PCSK1: variants seen among roughly 807,000 people sequenced by gnomAD.
PCSK1 encodes neuroendocrine convertase 1.
PCSK1 carries 56 observed loss-of-function variants against 90.6 expected under a neutral mutation model. That is an observed-to-expected ratio of 0.62 (90% CI 0.50 to 0.77). The LOEUF (loss-of-function observed/expected upper bound fraction) is 0.77. Ranked by LOEUF, PCSK1 falls within the 30% of genes least tolerant of loss-of-function variation. PCSK1 has a pLI of 0.00. For synonymous variants in PCSK1, 348 were observed against 342.4 expected (o/e 1.02, Z -0.18); for missense variants, 801 against 932.6 (o/e 0.86, Z 1.84).
At chr5:96,426,460 C>A (rs1305152151) in intron 2 of PCSK1, among the ~76,000 whole-genome samples, 2 of 152,134 alleles carry the variant, frequency 1.3e-5, no homozygotes, top group African/African-American at 2.4e-5. Flanking sequence ...TGTGCTTCGA[C>A]CTCTGCTTAA....
At chr5:96,427,916 C>T (rs1180731819) in intron 2 of PCSK1, among the ~76,000 whole-genome samples, 2 of 152,168 alleles carry the variant, frequency 1.3e-5, no homozygotes, top group African/African-American at 4.8e-5. Context: ...GGGAAGACCT[C>T]AGTGGACAAG....
chr5:96,429,564 C>CGTATT (rs1761427429), intron 1 of PCSK1, among the ~76,000 whole-genome samples: 1 of 152,104 alleles, frequency 6.6e-6, no homozygotes, highest in African/African-American at 2.4e-5. Flanking sequence ...GTATTAAGCC[C>CGTATT]AATACCCATT....
intron 1 of PCSK1, among the ~76,000 whole-genome samples, chr5:96,431,381 C>T (rs1252944916): frequency 2.0e-5 from 3 of 152,208 alleles, no homozygotes; most frequent in South Asian, 2.1e-4. Context: ...TCATTCACCC[C>T]TCCCGAATTC....
Position 96,433,050 on chromosome 5 carries a change from A to G in PCSK1, c.-8T>C. The G allele has an allele frequency of 1.2e-6, 2 of 1,613,654 alleles. No homozygotes were observed. The highest frequency in any genetic ancestry group is 1.7e-6 in the Non-Finnish European group (2 of 1,179,572). On this transcript the variant is annotated 5_prime_UTR_variant, in exon 1 of 14. Coordinates refer to ENST00000311106, the MANE Select transcript of PCSK1 (RefSeq NM_000439.5). ...CCAGGCTCTTCGCTCCATAGCTCAC[A>G]CACTCGCTTGAACAAGAGTGGGAAG...
chr5:96,429,158 TAAAG>T (rs200056379), intron 2 of PCSK1, 51 bp downstream of exon 2: 125 of 912,304 alleles, frequency 1.4e-4, no homozygotes, highest in Middle Eastern at 4.3e-4. Context: ...TTAGAAATCA[TAAAG>T]AAAGCAGATA....
At chr5:96,407,278 CA>C (rs1258706361) in intron 9 of PCSK1, among the ~76,000 whole-genome samples, 1 of 151,962 alleles carries the variant, frequency 6.6e-6, no homozygotes, top group Admixed American at 6.6e-5. Context: ...TTTTGTGAAC[CA>C]AGGCCATAAA....
At chr5:96,400,289 C>T in intron 9 of PCSK1, 103 bp from the exon 10 acceptor site, 1 of 788,692 alleles carries the variant, frequency 1.3e-6, no homozygotes, top group Admixed American at 1.9e-5. Flanking sequence ...TATGAAGTGC[C>T]TTTTGCTATT....
chr5:96,403,278 ATTATAC>A (rs1331343620), intron 9 of PCSK1, among the ~76,000 whole-genome samples: 1 of 152,042 alleles, frequency 6.6e-6, no homozygotes, highest in Non-Finnish European at 1.5e-5. Context: ...TTTTATTATT[ATTATAC>A]TTTAAGTTCT....
At chr5:96,429,790 G>A (rs993732263) in intron 1 of PCSK1, among the ~76,000 whole-genome samples, 1 of 152,166 alleles carries the variant, frequency 6.6e-6, no homozygotes, top group Non-Finnish European at 1.5e-5. Context: ...GGCACTGATA[G>A]AGGTCTTAAG....
chr5:96,406,488 C>T (rs574143910), intron 9 of PCSK1, among the ~76,000 whole-genome samples: 2 of 152,300 alleles, frequency 1.3e-5, no homozygotes, highest in African/African-American at 4.8e-5. Context: ...CTTGCCAGCC[C>T]CTCCAAGTAG....
chr5:96,425,033 AAAGAAAGAAAGAAAG>A (rs1162254901), intron 3 of PCSK1, among the ~76,000 whole-genome samples: 4 of 102,226 alleles, frequency 3.9e-5, no homozygotes, highest in East Asian at 5.4e-4. Flanking sequence ...AGAAAGAAAG[AAAGAAAGAAAGAAAG>A]AAAGAAAGAA....
rs183782142 is a variant in PCSK1 at position 96,416,598 on chromosome 5, C to T, written c.621-477G>A. Among the ~76,000 whole-genome samples, 730 of 152,256 alleles carry T rather than the reference C, an allele frequency of 4.8e-3. 9 individuals carry two copies. The highest frequency in any genetic ancestry group is 0.017 in the African/African-American group (707 of 41,554). ...CTTGGATTAGATTATCCTTGATCAG[C>T]CTTAGTAGGATATCCTAGAACAAGT... On this transcript the variant is annotated intron_variant, in intron 5 of 13. Transcript: ENST00000311106.
chr5:96,413,067 T>A, intron 6 of PCSK1: 1 of 511,204 alleles, frequency 2.0e-6, no homozygotes, highest in Non-Finnish European at 2.5e-6. Context: ...AACAGGAAAC[T>A]AACAAATAGG....
chr5:96,398,729 C>T (rs1760250972), intron 11 of PCSK1, 150 bp downstream of exon 11: 1 of 712,870 alleles, frequency 1.4e-6, no homozygotes, highest in South Asian at 1.6e-5. Flanking sequence ...AGATCTAACA[C>T]CAAGAAAAAG....
chr5:96,407,158 C>G (rs1053009712), intron 9 of PCSK1, among the ~76,000 whole-genome samples: 16 of 152,044 alleles, frequency 1.1e-4, no homozygotes, highest in African/African-American at 3.9e-4. Flanking sequence ...AGGAAGAAGC[C>G]TTAAAGAAAC....
intron 3 of PCSK1, among the ~76,000 whole-genome samples, chr5:96,425,207 T>C (rs1453615933): frequency 6.6e-6 from 1 of 152,194 alleles, no homozygotes; most frequent in African/African-American, 2.4e-5. Flanking sequence ...TATTAGCCTA[T>C]ACTACTACCA....
chr5:96,400,753 A>T (rs1760329590), intron 9 of PCSK1, among the ~76,000 whole-genome samples: 1 of 152,206 alleles, frequency 6.6e-6, no homozygotes, highest in Non-Finnish European at 1.5e-5. Context: ...CTATGCTAAT[A>T]CCATGGGGAT....
chr5:96,394,983 G>GCTT lies in PCSK1; in HGVS notation c.1762_1764dup (p.Lys588dup). ...TGAGAAGAGGTCCCGTGCAAAATCA[G>GCTT]CTTCCAGTTCACAATTCTTCCTTCA... On this transcript the variant is annotated inframe_insertion, in exon 13 of 14. Coordinates refer to ENST00000311106, the MANE Select transcript of PCSK1 (RefSeq NM_000439.5). The GCTT allele has an allele frequency of 6.2e-7, 1 of 1,613,954 alleles. No homozygotes were observed. The highest frequency in any genetic ancestry group is 8.5e-7 in the Non-Finnish European group (1 of 1,179,808).
intron 2 of PCSK1, 147 bp downstream of exon 2, chr5:96,429,066 G>A (rs1020642388): frequency 6.8e-6 from 4 of 585,672 alleles, no homozygotes; most frequent in East Asian, 5.7e-5. Context: ...TAATTTTATG[G>A]AAAGAAATTA....
Sources: allele counts gnomAD v4.1 joint callset (sites outside exome capture counted in the v4.1 genomes callset), GRCh38; gene constraint gnomAD v4.1.1; transcripts MANE v1.5; gene names NCBI Gene and HGNC (gene_info 2026-07-23, HGNC 2026-07-21).